MMS22L: variants seen among roughly 807,000 people sequenced by gnomAD.
MMS22L encodes the protein MMS22 like, DNA repair protein, also known as protein MMS22-like.
A neutral mutation model predicts 159.1 loss-of-function variants in MMS22L; 74 were observed. That is an observed-to-expected ratio of 0.47 (90% CI 0.39 to 0.56). The LOEUF (loss-of-function observed/expected upper bound fraction) is 0.56, where lower values mean the gene tolerates loss of function less well. MMS22L is among the 20% of genes least tolerant of loss of function. MMS22L has a pLI of 0.00. For missense variants in MMS22L, 1,351 were observed against 1,422.1 expected, an observed-to-expected ratio of 0.95 and a Z score of 0.80; for synonymous variants, 517 against 506.9, an observed-to-expected ratio of 1.02 and a Z score of -0.27.
At position 97,186,604 on chromosome 6, in the gene MMS22L, T is replaced by C. The variant is rs769108508; in HGVS notation, c.2126A>G (p.His709Arg). The C allele has an allele frequency of 1.2e-6, 2 of 1,612,102 alleles. No individual in the cohort carries two copies. Among genetic ancestry groups the C allele is most frequent in the Admixed American group, 3.4e-5 (2 of 59,460 alleles). ...VQSSLSAKER[H>R]LAAVASALWR... is the part of the protein sequence containing the mutation. ...CAGTGCACTGGCAACTGCAGCAAGG[T>C]GGCGCTCTTTAGCCGATAATGAAGA... The change falls in exon 15 of 25, where the codon CAC (histidine) becomes CGC (arginine). Residue 709 changes from histidine to arginine, a missense_variant. His to Arg is a conservative substitution (Grantham distance 29). Coordinates refer to ENST00000683635, the MANE Select transcript of MMS22L (RefSeq NM_001350599.2).
At chr6:97,213,051 G>T (rs1430307918) in intron 14 of MMS22L, among the ~76,000 whole-genome samples, 1 of 152,166 alleles carries the variant, frequency 6.6e-6, no homozygotes, top group Non-Finnish European at 1.5e-5. Context: ...TTGTGTGTGT[G>T]TGTGCGTGTG....
intron 14 of MMS22L, among the ~76,000 whole-genome samples, chr6:97,199,816 C>T (rs1413847349): frequency 6.6e-6 from 1 of 151,916 alleles, no homozygotes; most frequent in East Asian, 1.9e-4. Context: ...ATGGAAATAA[C>T]AGTCTAGTCA....
intron 22 of MMS22L, among the ~76,000 whole-genome samples, chr6:97,156,171 C>T (rs571147663): frequency 6.3e-4 from 95 of 151,954 alleles, no homozygotes; most frequent in African/African-American, 2.2e-3. Context: ...CATTTTTTGA[C>T]GGGGTTGTTT....
At chr6:97,208,992 C>T (rs2127935446) in intron 14 of MMS22L, among the ~76,000 whole-genome samples, 1 of 152,056 alleles carries the variant, frequency 6.6e-6, no homozygotes, top group Middle Eastern at 3.4e-3. Flanking sequence ...TAGGTAATTG[C>T]CACTCACATC....
At position 97,143,126 on chromosome 6, in the gene MMS22L, T is replaced by C; in HGVS notation, c.*3680A>G. The C allele has an allele frequency of 6.6e-6, 1 of 152,516 alleles. No homozygotes were observed. The highest frequency in any genetic ancestry group is 1.5e-5 in the Non-Finnish European group (1 of 68,028). 9.4% of individuals were successfully genotyped at this position (152,516 alleles called of 1,614,324 possible). Reference sequence around the variant, plus strand: ...CAAATCCAAATGCCTAATAAAGTCCTTTCATCACTCTGTTGTCCTTCAGTT... The same window carrying C: ...CAAATCCAAATGCCTAATAAAGTCCCTTCATCACTCTGTTGTCCTTCAGTT... On this transcript the variant is annotated 3_prime_UTR_variant, in exon 25 of 25. Coordinates refer to ENST00000683635, the MANE Select transcript of MMS22L (RefSeq NM_001350599.2).
intron 18 of MMS22L, among the ~76,000 whole-genome samples, chr6:97,175,381 T>G (rs1804013402): frequency 6.6e-6 from 1 of 152,214 alleles, no homozygotes; most frequent in South Asian, 2.1e-4. Context: ...AGAAATATTT[T>G]GAAAGATTTT....
intron 14 of MMS22L, among the ~76,000 whole-genome samples, chr6:97,203,312 T>TA (rs34171942): frequency 0.041 from 6,288 of 152,236 alleles, 160 homozygotes; most frequent in African/African-American, 0.06. Context: ...TTTATTTATT[T>TA]TTTTTACTGT....
intron 11 of MMS22L, among the ~76,000 whole-genome samples, chr6:97,235,357 A>G (rs1050834165): frequency 1.3e-5 from 2 of 152,226 alleles, no homozygotes; most frequent in African/African-American, 4.8e-5. Context: ...AGAGCTATTA[A>G]GCAGATAATC....
In MMS22L at chr6:97,242,753, G is replaced by T. The variant is rs527439615; in HGVS notation, c.1182+3875C>A. ...TCAAGATTTAGGTCTCCTTTCAGCAGTTCTTATAGTGCTGGCTTGGTAGTG... is the reference window on the plus strand; with the variant it reads ...TCAAGATTTAGGTCTCCTTTCAGCATTTCTTATAGTGCTGGCTTGGTAGTG... On this transcript the variant is annotated intron_variant, in intron 11 of 24. Transcript: ENST00000683635. 2.6e-5 allele frequency among the ~76,000 whole-genome samples: 4 copies of T among 152,244 alleles called. No individual in the cohort carries two copies. The South Asian group carries it at 8.3e-4, about 32-fold the overall frequency.
At chr6:97,267,706 G>T in intron 8 of MMS22L, 166 bp downstream of exon 8, 4 of 449,876 alleles carry the variant, frequency 8.9e-6, no homozygotes, top group Non-Finnish European at 1.4e-5. Flanking sequence ...TCTTTTAGAT[G>T]TTTAAATAAA....
intron 4 of MMS22L, among the ~76,000 whole-genome samples, chr6:97,273,905 T>C (rs985597444): frequency 1.3e-5 from 2 of 152,320 alleles, no homozygotes; most frequent in South Asian, 2.1e-4. Flanking sequence ...TATCAATTTA[T>C]CTTGTTCCCA....
intron 14 of MMS22L, among the ~76,000 whole-genome samples, chr6:97,204,924 C>T (rs1807600103): frequency 7.0e-6 from 1 of 143,368 alleles, no homozygotes; most frequent in African/African-American, 2.6e-5. Context: ...GCTTTGAGGG[C>T]CATGTACAGT....
chr6:97,149,239 GA>G (rs1388257632), intron 24 of MMS22L, among the ~76,000 whole-genome samples: 1 of 151,718 alleles, frequency 6.6e-6, no homozygotes, highest in East Asian at 1.9e-4. Flanking sequence ...TAACCTTTAG[GA>G]CACAAAAATT....
At chr6:97,272,924 A>T in intron 5 of MMS22L, 43 bp from the exon 6 acceptor site, 1 of 1,594,044 alleles carries the variant, frequency 6.3e-7, no homozygotes. Flanking sequence ...AGTCTGTGTG[A>T]ATACACACAG....
At chr6:97,277,614 C>T (rs1054503116) in intron 4 of MMS22L, among the ~76,000 whole-genome samples, 2 of 151,890 alleles carry the variant, frequency 1.3e-5, no homozygotes, top group Non-Finnish European at 2.9e-5. Flanking sequence ...CAGGACAATA[C>T]TTTTTTACTA....
chr6:97,163,753 A>G (rs577601308), intron 21 of MMS22L, among the ~76,000 whole-genome samples: 3 of 152,240 alleles, frequency 2.0e-5, no homozygotes, highest in South Asian at 4.1e-4. Context: ...GTACACTGAC[A>G]TATCAGGTGT....
In MMS22L at chr6:97,142,745, T is replaced by C. The variant is rs1800699314; in HGVS notation, c.*4061A>G. 1 of 152,118 alleles carries C rather than the reference T, an allele frequency of 6.6e-6. No individual in the cohort carries two copies. The allele number at this position is 152,118 out of a possible 1,614,324, so 9.4% of individuals were successfully genotyped here. The stretch of plus-strand genomic sequence containing the variant: ...AAGCTTGTCAAATTTTTATATAACA[T>C]ACAATTTTTAACTGTCAAAGATTCT... On this transcript the variant is annotated 3_prime_UTR_variant, in exon 25 of 25. Coordinates refer to ENST00000683635, the MANE Select transcript of MMS22L (RefSeq NM_001350599.2).
intron 18 of MMS22L, among the ~76,000 whole-genome samples, chr6:97,176,282 G>C (rs1413275980): frequency 6.6e-6 from 1 of 151,926 alleles, no homozygotes; most frequent in Non-Finnish European, 1.5e-5. Flanking sequence ...ATTCCCAGGG[G>C]TCTATGGACT....
chr6:97,198,922 C>T (rs1806836370), intron 14 of MMS22L, among the ~76,000 whole-genome samples: 1 of 152,002 alleles, frequency 6.6e-6, no homozygotes, highest in African/African-American at 2.4e-5. Context: ...TCAGTTCTTG[C>T]TGCTTTCAAA....
Sources: allele counts gnomAD v4.1 joint callset (sites outside exome capture counted in the v4.1 genomes callset), GRCh38; gene constraint gnomAD v4.1.1; transcripts MANE v1.5; gene names NCBI Gene and HGNC (gene_info 2026-07-23, HGNC 2026-07-21).